The following PCDHGA11 variants were observed in gnomAD, a reference collection of about 807,000 sequenced individuals.
PCDHGA11 encodes the protein protocadherin gamma-A11.
A neutral mutation model predicts 60.4 loss-of-function variants in PCDHGA11; 39 were observed. The observed-to-expected ratio is 0.65, with a 90% CI of 0.50 to 0.84. The LOEUF (loss-of-function observed/expected upper bound fraction) is 0.84. Ranked by LOEUF, PCDHGA11 falls within the 40% of genes least tolerant of loss-of-function variation. The probability of loss-of-function intolerance (pLI) is 0.00; values close to 1 mark genes in which losing one functional copy is unlikely to be tolerated. For synonymous variants in PCDHGA11, 533 were observed against 510.3 expected (o/e 1.04, Z -0.60); for missense variants, 1,165 against 1,197.7 (o/e 0.97, Z 0.40).
intron 2 of PCDHGA11, among the ~76,000 whole-genome samples, chr5:141,502,845 T>G (rs2099816267): frequency 6.8e-6 from 1 of 147,606 alleles, no homozygotes; most frequent in South Asian, 2.1e-4. Context: ...CTGGCTGAGC[T>G]GCCTAACCCT....
chr5:141,431,036 G>A lies in PCDHGA11; in HGVS notation c.2433+7376G>A. The A allele has an allele frequency of 6.2e-7, 1 of 1,614,204 alleles. No individual in the cohort carries two copies. Among genetic ancestry groups the A allele is most frequent in the Non-Finnish European group, 8.5e-7 (1 of 1,180,034 alleles). ...GGTCACGGCGGGCAGGATAGACCGG[G>A]AGGAGCTCTGTATGGGGGCCATCAA... On this transcript the variant is annotated intron_variant, in intron 1 of 3. Coordinates refer to ENST00000398587, the MANE Select transcript of PCDHGA11 (RefSeq NM_018914.3). This position sits in a 1 kb window ranked among gnomAD's most constrained non-coding sequence, Gnocchi z 4.8.
At chr5:141,499,356 C>A (rs1472104991) in intron 2 of PCDHGA11, among the ~76,000 whole-genome samples, 1 of 152,062 alleles carries the variant, frequency 6.6e-6, no homozygotes, top group Non-Finnish European at 1.5e-5. Context: ...ATTCAACAAA[C>A]AAATAGCAAC....
Position 141,511,345 on chromosome 5 carries a change from TC to T in PCDHGA11, c.*179del, listed in dbSNP as rs535135679. On this transcript the variant is annotated 3_prime_UTR_variant, in exon 4 of 4. Coordinates refer to ENST00000398587, the MANE Select transcript of PCDHGA11 (RefSeq NM_018914.3). ...AAGTGCCCAGTCAGCACCTACCCCTTCCCCCCCAGGGGGTTGAATATGCAAA... is the reference window on the plus strand; with the variant it reads ...AAGTGCCCAGTCAGCACCTACCCCTTCCCCCCAGGGGGTTGAATATGCAAA... The T allele has an allele frequency of 2.2e-5, 31 of 1,410,342 alleles. No individual in the cohort carries two copies. Among genetic ancestry groups the T allele is most frequent in the South Asian group, 2.9e-5 (2 of 68,200 alleles). 87.4% of individuals were successfully genotyped at this position (1,410,342 alleles called of 1,614,324 possible). A position where few individuals can be genotyped will look rare whatever the true frequency, so the allele number is the denominator to read the frequency against.
chr5:141,458,104 A>G (rs969775517), intron 1 of PCDHGA11, among the ~76,000 whole-genome samples: 6 of 152,232 alleles, frequency 3.9e-5, no homozygotes, highest in Non-Finnish European at 8.8e-5. Flanking sequence ...ACTTACAGAT[A>G]GTCTCCAAAT....
At chr5:141,469,671 A>T (rs1285283342) in intron 1 of PCDHGA11, among the ~76,000 whole-genome samples, 3 of 152,236 alleles carry the variant, frequency 2.0e-5, no homozygotes, top group Admixed American at 1.3e-4. Flanking sequence ...TTCTAATAAA[A>T]CTACATATGC....
chr5:141,497,187 G>T (rs1475463841), intron 2 of PCDHGA11, among the ~76,000 whole-genome samples: 2 of 139,586 alleles, frequency 1.4e-5, no homozygotes, highest in Non-Finnish European at 3.0e-5. Flanking sequence ...GTTCTGAGAG[G>T]CAGAGAACAA....
Position 141,489,712 on chromosome 5 carries a change from C to G in PCDHGA11, c.2434-5095C>G. On this transcript the variant is annotated intron_variant, in intron 1 of 3. Transcript: ENST00000398587. The surrounding 1 kb of genome is among the most constrained non-coding windows in gnomAD (Gnocchi z 4.5). ...GGCACGATTCCCACTGGACAGTGCC[C>G]AGGATCCGGATGTGGGCACCAATAC... The G allele has an allele frequency of 6.2e-7, 1 of 1,614,162 alleles. No individual in the cohort carries two copies. Among genetic ancestry groups the G allele is most frequent in the South Asian group, 1.1e-5 (1 of 91,078 alleles).
chr5:141,501,390 T>TCAC (rs1033806087), intron 2 of PCDHGA11, among the ~76,000 whole-genome samples: 4 of 151,794 alleles, frequency 2.6e-5, no homozygotes, highest in African/African-American at 9.7e-5. Flanking sequence ...CTAGGTCCTG[T>TCAC]CACAGGCCAC....
chr5:141,503,367 C>T (rs1038565489), intron 2 of PCDHGA11, among the ~76,000 whole-genome samples: 5 of 151,908 alleles, frequency 3.3e-5, no homozygotes, highest in African/African-American at 9.7e-5. Flanking sequence ...GAAGCGGAGG[C>T]AGGTGGATCA....
At chr5:141,509,153 C>G (rs2099875485) in intron 3 of PCDHGA11, among the ~76,000 whole-genome samples, 2 of 152,190 alleles carry the variant, frequency 1.3e-5, no homozygotes, top group Non-Finnish European at 2.9e-5. Context: ...CGGCTCTCCC[C>G]TCCCGTGTGC....
chr5:141,466,977 C>T (rs2099133275), intron 1 of PCDHGA11, among the ~76,000 whole-genome samples: 1 of 151,786 alleles, frequency 6.6e-6, no homozygotes. Flanking sequence ...CACAGCTCAT[C>T]ATTTACCTTT....
At chr5:141,467,597 A>T (rs2099147099) in intron 1 of PCDHGA11, among the ~76,000 whole-genome samples, 1 of 152,136 alleles carries the variant, frequency 6.6e-6, no homozygotes, top group Non-Finnish European at 1.5e-5. Flanking sequence ...TTTATTAAGC[A>T]CTTCATCTTT....
intron 1 of PCDHGA11, among the ~76,000 whole-genome samples, chr5:141,464,263 T>TA (rs35224477): frequency 7.1e-4 from 74 of 103,538 alleles, no homozygotes; most frequent in East Asian, 1.9e-3. Flanking sequence ...AGACTCCGTC[T>TA]AAAAAAAAAA....
intron 1 of PCDHGA11, among the ~76,000 whole-genome samples, chr5:141,463,999 C>A (rs1261262637): frequency 1.3e-5 from 2 of 152,056 alleles, no homozygotes; most frequent in African/African-American, 4.8e-5. Flanking sequence ...GGTGCAGTGG[C>A]TCATGCTTGT....
At chr5:141,458,437 C>T (rs777855535) in intron 1 of PCDHGA11, among the ~76,000 whole-genome samples, 1 of 152,026 alleles carries the variant, frequency 6.6e-6, no homozygotes, top group Non-Finnish European at 1.5e-5. Flanking sequence ...AGAGGAGGTC[C>T]CCCACATTAA....
At position 141,421,286 on chromosome 5, in the gene PCDHGA11, T is replaced by G; in HGVS notation, c.59T>G (p.Phe20Cys). ...RSRLLLLLCI[F>C]LGTLRGFRAR... Reference sequence around the variant, plus strand: ...CGGCTGCTGCTGCTGCTGTGCATTTTCCTGGGGACGCTGCGGGGGTTCCGG... The same window carrying G: ...CGGCTGCTGCTGCTGCTGTGCATTTGCCTGGGGACGCTGCGGGGGTTCCGG... Residue 20 changes from phenylalanine (F) to cysteine (C), a missense_variant, in exon 1 of 4, where the codon TTC (phenylalanine) becomes TGC (cysteine). Transcript: ENST00000398587. The G allele has an allele frequency of 6.2e-7, 1 of 1,613,284 alleles. No homozygotes were observed. Among genetic ancestry groups the G allele is most frequent in the Non-Finnish European group, 8.5e-7 (1 of 1,179,772 alleles).
chr5:141,455,577 C>T (rs1000865176), intron 1 of PCDHGA11, among the ~76,000 whole-genome samples: 3 of 152,120 alleles, frequency 2.0e-5, no homozygotes, highest in East Asian at 1.9e-4. Context: ...CCCACCCCAG[C>T]CTTTTAATAT....
rs762138055 is a variant in PCDHGA11, at chr5:141,490,757, T to C, written c.2434-4050T>C. 6.2e-7 allele frequency: 1 copy of C among 1,613,918 alleles called. No homozygotes were observed. The highest frequency in any genetic ancestry group is 2.2e-5 in the East Asian group (1 of 44,892). On this transcript the variant is annotated intron_variant, in intron 1 of 3. Coordinates refer to ENST00000398587, the MANE Select transcript of PCDHGA11 (RefSeq NM_018914.3). The surrounding 1 kb of genome is among the most constrained non-coding windows in gnomAD (Gnocchi z 5.4). ...GTTCAGGGAGCCCCAGCCTCCTCCT[T>C]TGTGTATGTCAACCCAGAGGATGGA...
At chr5:141,436,053 A>G (rs971342534) in intron 1 of PCDHGA11, among the ~76,000 whole-genome samples, 2 of 152,232 alleles carry the variant, frequency 1.3e-5, no homozygotes, top group African/African-American at 2.4e-5. Flanking sequence ...TAGTTTTCAA[A>G]TAGAATTTAA....
Sources: gnomAD v4.1 joint callset for allele counts (sites outside exome capture counted in the v4.1 genomes callset) on GRCh38, gnomAD v4.1.1 for gene constraint, Gnocchi (gnomAD v3.1) non-coding constraint, MANE v1.5 for transcripts, NCBI Gene and HGNC (gene_info 2026-07-23, HGNC 2026-07-21) for gene names.